The following SORL1 variants were observed in gnomAD, a reference collection of about 807,000 sequenced individuals.
SORL1 encodes sortilin-related receptor.
In SORL1, 127 loss-of-function variants were observed where a neutral mutation model predicts 273.7. The observed-to-expected ratio is 0.46, with a 90% confidence interval of 0.40 to 0.54. The LOEUF (loss-of-function observed/expected upper bound fraction) is 0.54. Among genes scored for constraint, SORL1 ranks in the 20% least tolerant of loss-of-function variants. SORL1 has a pLI of 0.00. For missense variants in SORL1, 2,494 were observed against 2,846.1 expected (o/e 0.88, Z 2.81); for synonymous variants, 1,031 against 1,067.4 (o/e 0.97, Z 0.66).
At chr11:121,499,025 A>G (rs749827980) in intron 6 of SORL1, among the ~76,000 whole-genome samples, 2 of 152,152 alleles carry the variant, frequency 1.3e-5, no homozygotes, top group African/African-American at 2.4e-5. Context: ...ATTAGGGGTC[A>G]TGTTTGTTTT....
rs148119514 is a variant in SORL1, at chr11:121,512,654, G to C, written c.940-349G>C. ...TTGGGGGCCGTAGGCTCCTCCCTGC[G>C]TGTTTCTTCAGCCTCATCACACAAT... On this transcript the variant is annotated intron_variant, in intron 6 of 47. Transcript: ENST00000260197. Among the ~76,000 whole-genome samples, 33 of 152,278 alleles carry C rather than the reference G, an allele frequency of 2.2e-4. No individual in the cohort carries two copies. In the East Asian group the frequency reaches 6.4e-3, roughly 29 times the overall value.
At chr11:121,521,928 C>T (rs1035514649) in intron 9 of SORL1, among the ~76,000 whole-genome samples, 2 of 152,210 alleles carry the variant, frequency 1.3e-5, no homozygotes, top group Non-Finnish European at 2.9e-5. Context: ...CTGAGTGTGA[C>T]CATATGGCAA....
At chr11:121,608,212 T>C in intron 38 of SORL1, 36 bp downstream of exon 38, 1 of 1,529,664 alleles carries the variant, frequency 6.5e-7, no homozygotes, top group Non-Finnish European at 9.1e-7. Context: ...TTAGAGAAAA[T>C]ATTATACAAA....
At chr11:121,512,439 C>T (rs138735744) in intron 6 of SORL1, among the ~76,000 whole-genome samples, 2,007 of 152,316 alleles carry the variant, frequency 0.013, 57 homozygotes, top group Admixed American at 0.058. Flanking sequence ...AATATGTATT[C>T]TAGCAAAAGA....
intron 23 of SORL1, among the ~76,000 whole-genome samples, chr11:121,572,337 G>A (rs1208571302): frequency 6.6e-6 from 1 of 152,182 alleles, no homozygotes; most frequent in Non-Finnish European, 1.5e-5. Flanking sequence ...TGTGCATGAA[G>A]GATGGAGCTG....
rs536589846 is a variant in SORL1 at position 121,573,487 on chromosome 11, C to A, written c.3338-754C>A. ...ATTAACTGGGGCTGGTGGTGGGTGCCTGTAATCCCAGCTACTCAGGAGGCT... is the reference window on the plus strand; with the variant it reads ...ATTAACTGGGGCTGGTGGTGGGTGCATGTAATCCCAGCTACTCAGGAGGCT... On this transcript the variant is annotated intron_variant, in intron 23 of 47. Transcript: ENST00000260197. Among the ~76,000 whole-genome samples the A allele has an allele frequency of 3.3e-5, 5 of 152,260 alleles. No individual in the cohort carries two copies. The South Asian group carries it at 1.0e-3, about 32-fold the overall frequency.
rs116690689 is a variant in SORL1 at position 121,483,473 on chromosome 11, T to C, written c.529-4559T>C. Among the ~76,000 whole-genome samples the C allele has an allele frequency of 4.7e-3, 719 of 152,370 alleles. 6 individuals carry two copies. Among genetic ancestry groups the C allele is most frequent in the African/African-American group, 0.017 (693 of 41,588 alleles). ...AACTGGAGAAAGTCACTTATGCTAA[T>C]AGACTGTGGATACATTCTATAGCTT... On this transcript the variant is annotated intron_variant, in intron 3 of 47. Transcript: ENST00000260197.
At chr11:121,486,546 C>T (rs531644113) in intron 3 of SORL1, among the ~76,000 whole-genome samples, 4 of 150,562 alleles carry the variant, frequency 2.7e-5, no homozygotes, top group Admixed American at 2.0e-4. Context: ...GTGGCACGCT[C>T]TTGGCTCACT....
chr11:121,600,488 G>A (rs1453581066), intron 32 of SORL1, among the ~76,000 whole-genome samples: 4 of 152,130 alleles, frequency 2.6e-5, no homozygotes, highest in African/African-American at 7.2e-5. Context: ...GAACATCTGA[G>A]GCGAATAAGC....
Position 121,633,671 on chromosome 11 carries a change from A to G in SORL1, c.*4108A>G, listed in dbSNP as rs1290948564. ...ACTGAATAAAAATTTAACTGGGTCA[A>G]GAAAACACCTCTTTGAAAATCCACT... On this transcript the variant is annotated 3_prime_UTR_variant, in exon 48 of 48. Transcript: ENST00000260197. 6.6e-6 allele frequency: 1 copy of G among 152,246 alleles called. No homozygotes were observed. The highest frequency in any genetic ancestry group is 1.5e-5 in the Non-Finnish European group (1 of 68,044). The allele number at this position is 152,246 out of a possible 1,614,324, so 9.4% of individuals were successfully genotyped here.
intron 2 of SORL1, among the ~76,000 whole-genome samples, chr11:121,472,293 T>G (rs1861182999): frequency 6.6e-6 from 1 of 152,236 alleles, no homozygotes. Flanking sequence ...AAATCCTTCT[T>G]GGAATTTTTA....
chr11:121,523,020 C>T, intron 11 of SORL1, 31 bp downstream of exon 11: 1 of 1,386,886 alleles, frequency 7.2e-7, no homozygotes, highest in Non-Finnish European at 1.0e-6. Context: ...CCGTCCCCTC[C>T]ACCCTCATTC....
intron 14 of SORL1, among the ~76,000 whole-genome samples, chr11:121,546,105 T>C (rs1862422251): frequency 6.6e-6 from 1 of 152,184 alleles, no homozygotes; most frequent in Non-Finnish European, 1.5e-5. Flanking sequence ...TTTGAGACCA[T>C]GTGTCTGCAA....
At chr11:121,589,568 C>T (rs776849674) in intron 29 of SORL1, among the ~76,000 whole-genome samples, 178 bp downstream of exon 29, 3 of 152,190 alleles carry the variant, frequency 2.0e-5, no homozygotes, top group Non-Finnish European at 4.4e-5. Context: ...GCAGCTGGCA[C>T]CCAGCAGGTG....
chr11:121,527,454 GT>G (rs202123420), intron 11 of SORL1, among the ~76,000 whole-genome samples: 1 of 149,792 alleles, frequency 6.7e-6, no homozygotes, highest in Admixed American at 6.7e-5. Context: ...TCTTTAATTT[GT>G]TTTTTTTTGT....
Position 121,554,235 on chromosome 11 carries a change from C to A in SORL1, c.2439+126C>A. The A allele has an allele frequency of 2.6e-6, 2 of 781,860 alleles. No homozygotes were observed. Among genetic ancestry groups the A allele is most frequent in the South Asian group, 1.9e-5 (1 of 53,660 alleles). The allele number at this position is 781,860 out of a possible 1,614,324, so 48.4% of individuals were successfully genotyped here. On this transcript the variant is annotated intron_variant, in intron 17 of 47. Coordinates refer to ENST00000260197, the MANE Select transcript of SORL1 (RefSeq NM_003105.6). The surrounding 1 kb of genome is among the most constrained non-coding windows in gnomAD (Gnocchi z 4.6). ...TTTGTAAGTGTTACTCATCTCAGGG[C>A]TGACAGGTGAAAGTTTCCAGTCTTC...
intron 8 of SORL1, among the ~76,000 whole-genome samples, chr11:121,514,703 G>A (rs975176449): frequency 1.3e-5 from 2 of 152,224 alleles, no homozygotes; most frequent in African/African-American, 4.8e-5. Context: ...GCTGGCATAT[G>A]CGGCCAGTGG....
chr11:121,495,853 T>G (rs111767064), intron 5 of SORL1, among the ~76,000 whole-genome samples: 7 of 152,324 alleles, frequency 4.6e-5, no homozygotes, highest in Non-Finnish European at 8.8e-5. Flanking sequence ...TCTCTTCAGC[T>G]AGGAATACTA....
intron 32 of SORL1, among the ~76,000 whole-genome samples, chr11:121,600,899 CT>C (rs11218357): frequency 0.057 from 8,607 of 151,458 alleles, 500 homozygotes; most frequent in African/African-American, 0.15. Flanking sequence ...ATTTAAGGCT[CT>C]TTTTTTTTAT....
Sources: allele counts gnomAD v4.1 joint callset (sites outside exome capture counted in the v4.1 genomes callset), GRCh38; gene constraint gnomAD v4.1.1; non-coding constraint Gnocchi (gnomAD v3.1); transcripts MANE v1.5; gene names NCBI Gene and HGNC (gene_info 2026-07-23, HGNC 2026-07-21).